PPP2R5E: variants seen among roughly 807,000 people sequenced by gnomAD.
PPP2R5E encodes serine/threonine-protein phosphatase 2A 56 kDa regulatory subunit epsilon isoform.
Under a neutral mutation model 65.3 loss-of-function variants are expected in PPP2R5E, and 4 were observed. The observed-to-expected ratio is 0.06, with a 90% CI of 0.03 to 0.14. The LOEUF (loss-of-function observed/expected upper bound fraction) is 0.14, where lower values mean the gene tolerates loss of function less well. Among genes scored for constraint, PPP2R5E ranks in the 10% least tolerant of loss-of-function variants. PPP2R5E has a pLI of 1.00. For synonymous variants in PPP2R5E, 183 were observed against 187.4 expected, an observed-to-expected ratio of 0.98 and a Z score of 0.19; for missense variants, 274 against 556.1, an observed-to-expected ratio of 0.49 and a Z score of 5.10.
chr14:63,445,538 G>A (rs1888432472), intron 3 of PPP2R5E, among the ~76,000 whole-genome samples: 1 of 152,068 alleles, frequency 6.6e-6, no homozygotes, highest in African/African-American at 2.4e-5. Context: ...GTTGTGGCAC[G>A]TTCTTAAAAT....
intron 3 of PPP2R5E, among the ~76,000 whole-genome samples, chr14:63,438,212 C>T (rs768830799): frequency 1.1e-4 from 17 of 152,224 alleles, no homozygotes; most frequent in Non-Finnish European, 2.5e-4. Context: ...CTCATTTTCT[C>T]AGCTTTTTCC....
intron 1 of PPP2R5E, among the ~76,000 whole-genome samples, 164 bp from the exon 2 acceptor site, chr14:63,539,856 T>A (rs1893817033): frequency 1.3e-5 from 2 of 152,224 alleles, no homozygotes; most frequent in South Asian, 4.1e-4. Flanking sequence ...CCAGGTGCAA[T>A]GGCTCACGCC....
intron 2 of PPP2R5E, among the ~76,000 whole-genome samples, chr14:63,488,057 T>G (rs1047977851): frequency 1.3e-5 from 2 of 152,170 alleles, no homozygotes; most frequent in Admixed American, 6.6e-5. Context: ...AATATTTTAT[T>G]TCTATTATTC....
At chr14:63,467,087 G>T (rs113264655) in intron 2 of PPP2R5E, among the ~76,000 whole-genome samples, 1 of 151,648 alleles carries the variant, frequency 6.6e-6, no homozygotes, top group South Asian at 2.1e-4. Flanking sequence ...TTAGCCGGGC[G>T]TGGTGGCAGG....
chr14:63,425,132 T>C (rs534167479), intron 3 of PPP2R5E, among the ~76,000 whole-genome samples: 17 of 152,200 alleles, frequency 1.1e-4, no homozygotes, highest in Non-Finnish European at 2.2e-4. Flanking sequence ...GAAGAAAAGG[T>C]AGACCAACTT....
intron 3 of PPP2R5E, chr14:63,451,128 T>C (rs1185303472): frequency 1.3e-5 from 2 of 152,050 alleles, no homozygotes; most frequent in Admixed American, 6.6e-5. Context: ...TCGTTACTTA[T>C]AACAAGTAAT....
chr14:63,524,333 T>C (rs1474064870), intron 2 of PPP2R5E, among the ~76,000 whole-genome samples: 1 of 152,142 alleles, frequency 6.6e-6, no homozygotes, highest in Non-Finnish European at 1.5e-5. Flanking sequence ...TCAAGAAAGA[T>C]AAATGGCAAA....
At chr14:63,476,530 G>A (rs1315974797) in intron 2 of PPP2R5E, among the ~76,000 whole-genome samples, 1 of 152,020 alleles carries the variant, frequency 6.6e-6, no homozygotes, top group Non-Finnish European at 1.5e-5. Context: ...CTTTAATAAG[G>A]AGGCTTCAAA....
chr14:63,511,140 C>G (rs561288132), intron 2 of PPP2R5E, among the ~76,000 whole-genome samples: 2 of 152,334 alleles, frequency 1.3e-5, no homozygotes, highest in African/African-American at 4.8e-5. Flanking sequence ...TTTCTCCATC[C>G]TTGGAATTTT....
intron 1 of PPP2R5E, among the ~76,000 whole-genome samples, chr14:63,541,063 G>A (rs1265231891): frequency 6.6e-6 from 1 of 151,858 alleles, no homozygotes; most frequent in Non-Finnish European, 1.5e-5. Context: ...CTATACCAAT[G>A]TATCACAGCA....
intron 2 of PPP2R5E, among the ~76,000 whole-genome samples, chr14:63,531,639 G>C (rs1000810738): frequency 3.3e-5 from 5 of 151,944 alleles, no homozygotes; most frequent in African/African-American, 1.2e-4. Context: ...CGAAAGTAAA[G>C]CTTATGGTTA....
chr14:63,395,374 G>C (rs990284076), intron 6 of PPP2R5E, 89 bp from the exon 7 acceptor site: 15 of 719,866 alleles, frequency 2.1e-5, no homozygotes, highest in East Asian at 3.2e-5. Context: ...GGAGAAGGGG[G>C]AGGAGGAGGA....
intron 2 of PPP2R5E, among the ~76,000 whole-genome samples, chr14:63,481,922 A>G (rs1343241088): frequency 6.6e-6 from 1 of 152,226 alleles, no homozygotes; most frequent in Non-Finnish European, 1.5e-5. Context: ...ACAAACAGTT[A>G]AAGAATTCAT....
intron 2 of PPP2R5E, among the ~76,000 whole-genome samples, chr14:63,481,609 T>C (rs1434850748): frequency 6.6e-6 from 1 of 152,122 alleles, no homozygotes; most frequent in Non-Finnish European, 1.5e-5. Flanking sequence ...CACAGTCCTA[T>C]GCATTTCATT....
intron 2 of PPP2R5E, among the ~76,000 whole-genome samples, chr14:63,469,861 G>A (rs1890029846): frequency 1.3e-5 from 2 of 152,116 alleles, no homozygotes; most frequent in South Asian, 4.1e-4. Flanking sequence ...CATTTTACCT[G>A]TAAGAGAACC....
At chr14:63,418,683 C>T (rs988924994) in intron 4 of PPP2R5E, among the ~76,000 whole-genome samples, 3 of 150,934 alleles carry the variant, frequency 2.0e-5, no homozygotes, top group African/African-American at 7.3e-5. Context: ...CACCTAATTT[C>T]AGAAAATACA....
chr14:63,461,454 A>G (rs192157095), intron 2 of PPP2R5E, among the ~76,000 whole-genome samples: 12 of 152,252 alleles, frequency 7.9e-5, no homozygotes, highest in Admixed American at 7.2e-4. Context: ...ATAATAACAA[A>G]AGAAGATAAA....
chr14:63,396,789 A>G (rs1885420288), intron 5 of PPP2R5E, 73 bp from the exon 6 acceptor site: 1 of 1,553,456 alleles, frequency 6.4e-7, no homozygotes, highest in South Asian at 1.2e-5. Context: ...TATTATTTAA[A>G]ATCCCCTTCT....
At chr14:63,405,800 T>C (rs1886041502) in intron 5 of PPP2R5E, among the ~76,000 whole-genome samples, 2 of 152,182 alleles carry the variant, frequency 1.3e-5, no homozygotes, top group South Asian at 4.1e-4. Context: ...TTATTAAGAA[T>C]AGACAAAATT....
Sources: gnomAD v4.1 joint callset for allele counts (sites outside exome capture counted in the v4.1 genomes callset) on GRCh38, gnomAD v4.1.1 for gene constraint, MANE v1.5 for transcripts, NCBI Gene and HGNC (gene_info 2026-07-23, HGNC 2026-07-21) for gene names.